TRPM3: variants seen among roughly 807,000 people sequenced by gnomAD.
The protein encoded by TRPM3 is transient receptor potential cation channel subfamily M member 3, also known as long transient receptor potential channel 3.
Under a neutral mutation model 181.2 loss-of-function variants are expected in TRPM3, and 77 were observed. The ratio of observed to expected loss-of-function variants is 0.42; its 90% confidence interval spans 0.35 to 0.51. The LOEUF is 0.51. Ranked by LOEUF, TRPM3 falls within the 20% of genes least tolerant of loss-of-function variation. The pLI, the probability that TRPM3 is intolerant of heterozygous loss-of-function variation, is 0.01. For synonymous variants in TRPM3, 745 were observed against 796.4 expected (o/e 0.94, Z 1.09); for missense variants, 1,759 against 2,196.7 (o/e 0.80, Z 3.98).
intron 1 of TRPM3, among the ~76,000 whole-genome samples, chr9:71,100,141 A>C (rs982333661): frequency 1.6e-4 from 24 of 152,066 alleles, no homozygotes; most frequent in Admixed American, 1.5e-3. Flanking sequence ...CTGATTTTTG[A>C]TTCTGATTTT....
chr9:70,639,227 A>C, intron 10 of TRPM3, 33 bp from the exon 11 acceptor site: 6 of 1,611,056 alleles, frequency 3.7e-6, no homozygotes, highest in Non-Finnish European at 5.1e-6. Flanking sequence ...AGTCTGCCCC[A>C]GGGTCTATCT....
chr9:70,885,153 C>T (rs920643874), intron 1 of TRPM3, among the ~76,000 whole-genome samples: 3 of 152,200 alleles, frequency 2.0e-5, no homozygotes, highest in Non-Finnish European at 4.4e-5. Flanking sequence ...GCTCCCCTCT[C>T]CATCCTTGAC....
intron 1 of TRPM3, among the ~76,000 whole-genome samples, chr9:70,948,450 C>T (rs2096960180): frequency 1.3e-5 from 2 of 152,220 alleles, no homozygotes; most frequent in South Asian, 2.1e-4. Flanking sequence ...AAACATAAAT[C>T]TTGAAAAACA....
chr9:71,076,479 C>T (rs112245947), intron 1 of TRPM3, among the ~76,000 whole-genome samples: 2,076 of 152,228 alleles, frequency 0.014, 37 homozygotes, highest in African/African-American at 0.048. Context: ...AGGGCTGCCA[C>T]GCACCCAGGA....
At chr9:71,237,064 G>C (rs2081395167) in intron 1 of TRPM3, among the ~76,000 whole-genome samples, 1 of 146,598 alleles carries the variant, frequency 6.8e-6, no homozygotes, top group African/African-American at 2.6e-5. Context: ...AAAAAAAGGG[G>C]GGGGGAAAAA....
At chr9:70,605,547 G>A (rs2060911403) in intron 19 of TRPM3, among the ~76,000 whole-genome samples, 1 of 151,434 alleles carries the variant, frequency 6.6e-6, no homozygotes, top group African/African-American at 2.4e-5. Flanking sequence ...TTCTCATGAA[G>A]GAGTTTACTT....
chr9:70,600,011 T>G (rs1416516667), intron 20 of TRPM3, among the ~76,000 whole-genome samples: 1 of 152,244 alleles, frequency 6.6e-6, no homozygotes, highest in Non-Finnish European at 1.5e-5. Context: ...CTGACTGTTG[T>G]GTAGGCACTA....
At chr9:70,918,652 T>C (rs1482552363) in intron 1 of TRPM3, among the ~76,000 whole-genome samples, 1 of 152,102 alleles carries the variant, frequency 6.6e-6, no homozygotes, top group Non-Finnish European at 1.5e-5. Flanking sequence ...TTTAAACGCC[T>C]ATGTCAAAAA....
intron 1 of TRPM3, among the ~76,000 whole-genome samples, chr9:70,899,795 T>C (rs1163299657): frequency 6.6e-6 from 1 of 152,184 alleles, no homozygotes; most frequent in Non-Finnish European, 1.5e-5. Flanking sequence ...CTCTGCTTTA[T>C]TGCTATAGAC....
chr9:70,658,970 T>C (rs533834287), intron 9 of TRPM3, among the ~76,000 whole-genome samples: 1 of 152,260 alleles, frequency 6.6e-6, no homozygotes, highest in South Asian at 2.1e-4. Context: ...AACTTTTCTT[T>C]TGAGTTATTG....
At chr9:70,980,254 T>C (rs1262979904) in intron 1 of TRPM3, among the ~76,000 whole-genome samples, 1 of 152,018 alleles carries the variant, frequency 6.6e-6, no homozygotes, top group African/African-American at 2.4e-5. Flanking sequence ...AAAGGCTGTC[T>C]AGAGGAATTG....
In TRPM3 at chr9:70,640,677, G is replaced by A. The variant is rs368586542; in HGVS notation, c.1346-17C>T. 64 of 1,602,724 alleles carry A rather than the reference G, an allele frequency of 4.0e-5. 1 individual carries two copies. In the South Asian group the frequency reaches 6.9e-4, roughly 17 times the overall value. ...CATTGGCTCCTGTGTGAGGACAAGTGGGAGAAAAGAGTGGAAGAGAGAAAA... is the reference window on the plus strand; with the variant it reads ...CATTGGCTCCTGTGTGAGGACAAGTAGGAGAAAAGAGTGGAAGAGAGAAAA... On this transcript the variant is annotated splice_polypyrimidine_tract_variant and intron_variant, in intron 9 of 25. Coordinates refer to ENST00000677713, the MANE Select transcript of TRPM3 (RefSeq NM_001366145.2).
At chr9:71,396,538 G>T (rs578122896) in intron 1 of TRPM3, among the ~76,000 whole-genome samples, 2 of 152,156 alleles carry the variant, frequency 1.3e-5, no homozygotes, top group East Asian at 3.9e-4. Flanking sequence ...CTTTAGATGT[G>T]AGTCATCCTA....
At chr9:71,412,626 A>G (rs1163050751) in intron 1 of TRPM3, among the ~76,000 whole-genome samples, 1 of 152,176 alleles carries the variant, frequency 6.6e-6, no homozygotes, top group African/African-American at 2.4e-5. Context: ...GTGGAGAAAT[A>G]GGAACACTTT....
intron 1 of TRPM3, among the ~76,000 whole-genome samples, chr9:71,207,967 C>T (rs1428566687): frequency 6.6e-6 from 1 of 152,056 alleles, no homozygotes; most frequent in Non-Finnish European, 1.5e-5. Flanking sequence ...CTTCTTAGTT[C>T]TACAGTTAAC....
chr9:70,819,925 GTCC>G (rs2093024092), intron 6 of TRPM3, among the ~76,000 whole-genome samples: 1 of 152,112 alleles, frequency 6.6e-6, no homozygotes, highest in Non-Finnish European at 1.5e-5. Flanking sequence ...CTAGATTTCT[GTCC>G]TCTTCTTCTA....
intron 1 of TRPM3, among the ~76,000 whole-genome samples, chr9:71,325,936 G>C (rs1487025124): frequency 2.6e-5 from 4 of 151,982 alleles, no homozygotes; most frequent in African/African-American, 7.3e-5. Context: ...GGGAAGCTTG[G>C]GCAGAATCTA....
chr9:71,142,438 G>A (rs150325891), intron 1 of TRPM3, among the ~76,000 whole-genome samples: 1 of 152,056 alleles, frequency 6.6e-6, no homozygotes, highest in Non-Finnish European at 1.5e-5. Context: ...AGACAATAGA[G>A]AGGTTTTGAC....
intron 1 of TRPM3, among the ~76,000 whole-genome samples, chr9:71,278,923 T>C (rs2084437362): frequency 1.3e-5 from 2 of 151,914 alleles, no homozygotes; most frequent in Non-Finnish European, 2.9e-5. Flanking sequence ...TCCGCTACAA[T>C]GATAATCAAA....
Sources: gnomAD v4.1 joint callset for allele counts (sites outside exome capture counted in the v4.1 genomes callset) on GRCh38, gnomAD v4.1.1 for gene constraint, MANE v1.5 for transcripts, NCBI Gene and HGNC (gene_info 2026-07-23, HGNC 2026-07-21) for gene names.